KDM4C: variants seen among roughly 807,000 people sequenced by gnomAD.
The protein encoded by KDM4C is lysine demethylase 4C, also known as lysine-specific demethylase 4C.
KDM4C carries 81 observed loss-of-function variants against 129.3 expected under a neutral mutation model. That is an observed-to-expected ratio of 0.63 (90% CI 0.52 to 0.75). KDM4C has a LOEUF of 0.75. Among genes scored for constraint, KDM4C ranks in the 30% least tolerant of loss-of-function variants. KDM4C has a pLI of 0.00. For synonymous variants in KDM4C, 573 were observed against 456.1 expected (o/e 1.26, Z -3.26); for missense variants, 1,457 against 1,304.0 (o/e 1.12, Z -1.81).
chr9:7,047,652 C>G (rs1353487588), intron 16 of KDM4C, among the ~76,000 whole-genome samples: 1 of 151,858 alleles, frequency 6.6e-6, no homozygotes, highest in Non-Finnish European at 1.5e-5. Flanking sequence ...AGATTCATGT[C>G]TAAGATATGT....
At chr9:6,873,771 C>G (rs1336807107) in intron 5 of KDM4C, among the ~76,000 whole-genome samples, 2 of 152,172 alleles carry the variant, frequency 1.3e-5, no homozygotes, top group East Asian at 3.8e-4. Context: ...CCTTCAGTAA[C>G]TTTTTCTTTG....
intron 21 of KDM4C, chr9:7,170,432 A>C: frequency 1.0e-6 from 1 of 988,360 alleles, no homozygotes; most frequent in Non-Finnish European, 1.2e-6. Flanking sequence ...TAGTTGTGGG[A>C]ATACTAAAGC....
chr9:6,825,824 C>G (rs1288579814), intron 4 of KDM4C, among the ~76,000 whole-genome samples: 2 of 152,068 alleles, frequency 1.3e-5, no homozygotes, highest in African/African-American at 4.8e-5. Context: ...TTCTCTGTCT[C>G]TCTTAAGACA....
At chr9:6,778,990 G>A (rs1336253604) in intron 1 of KDM4C, among the ~76,000 whole-genome samples, 1 of 149,542 alleles carries the variant, frequency 6.7e-6, no homozygotes, top group Non-Finnish European at 1.5e-5. Context: ...CCAAAGTGCT[G>A]GGATTACAGG....
chr9:7,014,915 A>AACACAC (rs55864882), intron 14 of KDM4C, among the ~76,000 whole-genome samples: 5,233 of 146,210 alleles, frequency 0.036, 263 homozygotes, highest in Admixed American at 0.15. Flanking sequence ...GGCAATTTGT[A>AACACAC]ACACACACAC....
At chr9:6,776,756 C>T (rs955696381) in intron 1 of KDM4C, among the ~76,000 whole-genome samples, 1 of 151,882 alleles carries the variant, frequency 6.6e-6, no homozygotes, top group African/African-American at 2.4e-5. Flanking sequence ...CACATACCAC[C>T]ACGCCCGGGT....
chr9:6,744,923 C>T (rs1817826932), intron 1 of KDM4C, among the ~76,000 whole-genome samples: 1 of 152,132 alleles, frequency 6.6e-6, no homozygotes, highest in South Asian at 2.1e-4. Context: ...CCTGCAGAAA[C>T]ATGCCTCCAG....
intron 4 of KDM4C, among the ~76,000 whole-genome samples, chr9:6,846,906 C>T (rs1306373020): frequency 6.6e-6 from 1 of 151,964 alleles, no homozygotes; most frequent in Non-Finnish European, 1.5e-5. Context: ...GTACAAGAAC[C>T]CTTGTGTTTC....
Position 7,171,861 on chromosome 9 carries a change from T to C in KDM4C, c.2994+1971T>C, listed in dbSNP as rs1006604268. ...TTTAATTAAAAAAAAAGTGAAAATA[T>C]GTAAATCACATCCATACACTCTGAA... On this transcript the variant is annotated intron_variant, in intron 21 of 21. Coordinates refer to ENST00000381309, the MANE Select transcript of KDM4C (RefSeq NM_015061.6). Among the ~76,000 whole-genome samples the C allele has an allele frequency of 2.6e-5, 4 of 152,076 alleles. No homozygotes were observed. In the East Asian group the frequency reaches 5.8e-4, roughly 22 times the overall value.
chr9:6,835,385 G>C (rs976102373), intron 4 of KDM4C: 8 of 1,112,386 alleles, frequency 7.2e-6, no homozygotes, highest in Non-Finnish European at 1.1e-5. Context: ...GTTGCCAACA[G>C]GATGCAGAAG....
At chr9:7,167,066 T>C (rs1441530500) in intron 20 of KDM4C, among the ~76,000 whole-genome samples, 1 of 152,242 alleles carries the variant, frequency 6.6e-6, no homozygotes, top group Admixed American at 6.5e-5. Flanking sequence ...CATATGCGTT[T>C]TTTGACCCTC....
At chr9:7,080,057 A>G (rs1173376155) in intron 17 of KDM4C, among the ~76,000 whole-genome samples, 1 of 152,128 alleles carries the variant, frequency 6.6e-6, no homozygotes, top group Non-Finnish European at 1.5e-5. Flanking sequence ...ATGGCACTTC[A>G]TCTAGGCCAT....
intron 17 of KDM4C, among the ~76,000 whole-genome samples, chr9:7,100,542 G>A (rs1348876567): frequency 2.6e-5 from 4 of 152,070 alleles, no homozygotes; most frequent in Non-Finnish European, 4.4e-5. Context: ...GTTTTGCCGT[G>A]TTGGCCAGGC....
At chr9:7,055,982 T>C (rs1180174645) in intron 17 of KDM4C, among the ~76,000 whole-genome samples, 1 of 152,198 alleles carries the variant, frequency 6.6e-6, no homozygotes, top group Non-Finnish European at 1.5e-5. Context: ...AGTAGTGTCG[T>C]AAAGGCAATC....
intron 8 of KDM4C, among the ~76,000 whole-genome samples, chr9:6,979,705 G>A (rs1319231325): frequency 6.6e-6 from 1 of 152,166 alleles, no homozygotes; most frequent in Non-Finnish European, 1.5e-5. Context: ...CTACAGGCAG[G>A]GAAATTAGCC....
At chr9:6,922,770 C>G (rs947407354) in intron 8 of KDM4C, among the ~76,000 whole-genome samples, 1 of 152,152 alleles carries the variant, frequency 6.6e-6, no homozygotes, top group African/African-American at 2.4e-5. Flanking sequence ...AAACAGCCTT[C>G]CAACATATCC....
chr9:7,094,188 A>G (rs955561399), intron 17 of KDM4C, among the ~76,000 whole-genome samples: 1 of 152,240 alleles, frequency 6.6e-6, no homozygotes, highest in Non-Finnish European at 1.5e-5. Flanking sequence ...CCTCAAAGGA[A>G]GTCGGCCTGA....
chr9:7,140,225 T>G (rs907088290), intron 19 of KDM4C, among the ~76,000 whole-genome samples: 12 of 152,194 alleles, frequency 7.9e-5, no homozygotes, highest in African/African-American at 2.7e-4. Context: ...CCTACACTCC[T>G]GGTGTATGTG....
rs1818645029 is a variant in KDM4C at position 6,758,233 on chromosome 9, G to C, written c.-18+30G>C. The C allele has an allele frequency of 1.0e-6, 1 of 983,636 alleles. No individual in the cohort carries two copies. The allele number at this position is 983,636 out of a possible 1,614,324, so 60.9% of individuals were successfully genotyped here. A position where few individuals can be genotyped will look rare whatever the true frequency, so the allele number is the denominator to read the frequency against. ...CCGCTTTTCCGGAGTCTGGGGGCCA[G>C]GGCGGGGGGAGGGTCCGGAGAGGTC... On this transcript the variant is annotated intron_variant, in intron 1 of 21. Transcript: ENST00000381309. The surrounding 1 kb of genome is among the most constrained non-coding windows in gnomAD (Gnocchi z 4.6).
Sources: gnomAD v4.1 joint callset for allele counts (sites outside exome capture counted in the v4.1 genomes callset) on GRCh38, gnomAD v4.1.1 for gene constraint, Gnocchi (gnomAD v3.1) non-coding constraint, MANE v1.5 for transcripts, NCBI Gene and HGNC (gene_info 2026-07-23, HGNC 2026-07-21) for gene names.